MDGA2: variants seen among roughly 807,000 people sequenced by gnomAD.
MDGA2 encodes the protein MAM domain-containing glycosylphosphatidylinositol anchor protein 2.
A neutral mutation model predicts 117.8 loss-of-function variants in MDGA2; 40 were observed. The ratio of observed to expected loss-of-function variants is 0.34; its 90% CI spans 0.26 to 0.44. The LOEUF (loss-of-function observed/expected upper bound fraction) is 0.44. Ranked by LOEUF, MDGA2 falls within the 20% of genes least tolerant of loss-of-function variation. MDGA2 has a pLI of 1.00. For missense variants in MDGA2, 1,123 were observed against 1,250.6 expected, an observed-to-expected ratio of 0.90 and a Z score of 1.54; for synonymous variants, 452 against 439.0, an observed-to-expected ratio of 1.03 and a Z score of -0.37.
At chr14:47,380,898 G>C (rs1012470614) in intron 1 of MDGA2, among the ~76,000 whole-genome samples, 2 of 151,984 alleles carry the variant, frequency 1.3e-5, no homozygotes, top group African/African-American at 2.4e-5. Context: ...GCCTGGCAGA[G>C]ACACACAAAA....
At chr14:47,171,803 T>C (rs11628817) in intron 3 of MDGA2, among the ~76,000 whole-genome samples, 27,339 of 152,046 alleles carry the variant, frequency 0.18, 2,589 homozygotes, top group Admixed American at 0.26. Context: ...CTCAGGACAG[T>C]GGGTGCAGCA....
At chr14:47,112,184 G>T (rs1000479130) in intron 5 of MDGA2, among the ~76,000 whole-genome samples, 56 of 152,244 alleles carry the variant, frequency 3.7e-4, no homozygotes, top group African/African-American at 1.3e-3. Context: ...AAGAGAAAGA[G>T]TGAGGAGAAA....
At chr14:47,374,539 C>A (rs1293415631) in intron 1 of MDGA2, among the ~76,000 whole-genome samples, 1 of 152,048 alleles carries the variant, frequency 6.6e-6, no homozygotes, top group African/African-American at 2.4e-5. Context: ...ATTTAAATCA[C>A]AGCATGAATA....
chr14:47,461,373 A>T (rs1893483791), intron 1 of MDGA2, among the ~76,000 whole-genome samples: 1 of 151,872 alleles, frequency 6.6e-6, no homozygotes, highest in Non-Finnish European at 1.5e-5. Context: ...CATTTGGTCA[A>T]ACTTGTTACT....
At chr14:47,253,932 A>G (rs1237537166) in intron 2 of MDGA2, among the ~76,000 whole-genome samples, 1 of 152,260 alleles carries the variant, frequency 6.6e-6, no homozygotes. Context: ...CTCACAGGTT[A>G]AACAGCACAT....
chr14:47,097,832 T>C (rs1880066518), intron 5 of MDGA2, among the ~76,000 whole-genome samples: 1 of 152,006 alleles, frequency 6.6e-6, no homozygotes, highest in African/African-American at 2.4e-5. Flanking sequence ...GTTTGGGTTA[T>C]AAAAATCCCT....
chr14:46,990,078 T>C (rs1887026759), intron 8 of MDGA2, among the ~76,000 whole-genome samples: 1 of 152,164 alleles, frequency 6.6e-6, no homozygotes, highest in Admixed American at 6.6e-5. Flanking sequence ...CCAGACTTTA[T>C]CACTTGTTAG....
chr14:47,184,008 A>C (rs190934495), intron 3 of MDGA2, among the ~76,000 whole-genome samples: 1 of 151,920 alleles, frequency 6.6e-6, no homozygotes, highest in Non-Finnish European at 1.5e-5. Flanking sequence ...ATACTGACTT[A>C]AATCCTCTTC....
chr14:47,079,172 G>A (rs988797385), intron 6 of MDGA2, among the ~76,000 whole-genome samples: 4 of 152,120 alleles, frequency 2.6e-5, no homozygotes, highest in Admixed American at 6.5e-5. Context: ...GTAATTTACA[G>A]ATTACTTGGG....
At chr14:47,067,877 G>C (rs1488864850) in intron 6 of MDGA2, among the ~76,000 whole-genome samples, 5 of 152,156 alleles carry the variant, frequency 3.3e-5, no homozygotes. Flanking sequence ...TATGAGCAGG[G>C]AGGTCTTTTA....
chr14:47,191,802 C>G (rs532384248), intron 3 of MDGA2, among the ~76,000 whole-genome samples: 4 of 152,100 alleles, frequency 2.6e-5, no homozygotes, highest in African/African-American at 7.2e-5. Flanking sequence ...TATTGCATAT[C>G]TACTGTTTAG....
rs58683887 is a variant in MDGA2, at chr14:47,370,526, T to TGC, written c.281-68977_281-68976insGC. Among the ~76,000 whole-genome samples the TGC allele has an allele frequency of 8.1e-5, 11 of 136,038 alleles. No individual in the cohort carries two copies. The East Asian group carries it at 2.3e-3, about 28-fold the overall frequency. The allele number at this position is 136,038 out of a possible 152,430, so 89.2% of individuals were successfully genotyped here. A position where few individuals can be genotyped will look rare whatever the true frequency, so the allele number is the denominator to read the frequency against. ...GTGTGTGTGTGTGTGTGTGTGTGTG[T>TGC]TTAAGATTTTTATGTTTGGGCATTC... On this transcript the variant is annotated intron_variant, in intron 1 of 16. Transcript: ENST00000399232.
intron 1 of MDGA2, among the ~76,000 whole-genome samples, chr14:47,414,211 T>C (rs573441530): frequency 1.4e-4 from 22 of 152,266 alleles, no homozygotes; most frequent in Non-Finnish European, 2.6e-4. Context: ...TTTATTTCCA[T>C]AATGTCCATG....
intron 8 of MDGA2, among the ~76,000 whole-genome samples, chr14:47,030,377 G>C (rs1375480169): frequency 1.3e-5 from 2 of 151,810 alleles, no homozygotes; most frequent in African/African-American, 4.8e-5. Context: ...AGCTGGGCAT[G>C]GTGGCACATG....
At chr14:47,035,393 G>T in intron 7 of MDGA2, 89 bp from the exon 8 acceptor site, 1 of 1,040,608 alleles carries the variant, frequency 9.6e-7, no homozygotes, top group East Asian at 2.4e-5. Flanking sequence ...AACAATTTCT[G>T]CTGGCTGAAG....
chr14:47,427,316 C>A (rs1196568028), intron 1 of MDGA2, among the ~76,000 whole-genome samples: 1 of 152,028 alleles, frequency 6.6e-6, no homozygotes, highest in Non-Finnish European at 1.5e-5. Context: ...AATGATAAAT[C>A]CTTTTTAGCT....
rs199504892 is a variant in MDGA2, at chr14:47,251,359, C to A, written c.421-33164G>T. 1.6e-4 allele frequency among the ~76,000 whole-genome samples: 24 copies of A among 152,296 alleles called. No individual in the cohort carries two copies. The East Asian group carries it at 4.1e-3, about 26-fold the overall frequency. ...CTGTCTGTATTCCTTGTGTTCTCCACTAAAATGTAAGCCTCATAAGAGGTT... is the reference window on the plus strand; with the variant it reads ...CTGTCTGTATTCCTTGTGTTCTCCAATAAAATGTAAGCCTCATAAGAGGTT... On this transcript the variant is annotated intron_variant, in intron 2 of 16. Coordinates refer to ENST00000399232, the MANE Select transcript of MDGA2 (RefSeq NM_001113498.3).
chr14:47,208,563 T>C (rs993338421), intron 3 of MDGA2, among the ~76,000 whole-genome samples: 1 of 147,302 alleles, frequency 6.8e-6, no homozygotes, highest in African/African-American at 2.5e-5. Context: ...GTCTGTGCAA[T>C]ACAGAGTTGA....
chr14:47,025,208 C>T (rs934472225), intron 8 of MDGA2, among the ~76,000 whole-genome samples: 1 of 152,134 alleles, frequency 6.6e-6, no homozygotes, highest in African/African-American at 2.4e-5. Flanking sequence ...CCCTACTGTA[C>T]AAGAATTTGA....
Sources: allele counts gnomAD v4.1 joint callset (sites outside exome capture counted in the v4.1 genomes callset), GRCh38; gene constraint gnomAD v4.1.1; transcripts MANE v1.5; gene names NCBI Gene and HGNC (gene_info 2026-07-23, HGNC 2026-07-21).